The following SEC24B variants were observed in gnomAD, a reference collection of about 807,000 sequenced individuals.
The protein encoded by SEC24B is protein transport protein Sec24B.
In SEC24B, 45 loss-of-function variants were observed where a neutral mutation model predicts 142.8. The observed-to-expected ratio is 0.32, with a 90% confidence interval of 0.25 to 0.40. SEC24B has a LOEUF of 0.40. SEC24B is among the 10% of genes least tolerant of loss of function. The pLI is 1.00. For synonymous variants in SEC24B, 574 were observed against 568.2 expected (o/e 1.01, Z -0.15); for missense variants, 1,409 against 1,526.8 (o/e 0.92, Z 1.29).
chr4:109,461,963 A>C (rs780808569), intron 1 of SEC24B, among the ~76,000 whole-genome samples: 2 of 152,120 alleles, frequency 1.3e-5, no homozygotes, highest in Non-Finnish European at 2.9e-5. Flanking sequence ...AAATTTAGAA[A>C]CATTGGCTGG....
At chr4:109,448,857 A>G (rs1458402253) in intron 1 of SEC24B, among the ~76,000 whole-genome samples, 2 of 151,768 alleles carry the variant, frequency 1.3e-5, no homozygotes, top group African/African-American at 4.8e-5. Context: ...CTGTTTCAGG[A>G]TTTAATTCAG....
chr4:109,473,265 T>C (rs1200635041), intron 3 of SEC24B, 79 bp downstream of exon 3: 9 of 996,128 alleles, frequency 9.0e-6, no homozygotes, highest in African/African-American at 6.8e-5. Flanking sequence ...AAGTTACTTA[T>C]AATCTCAATC....
intron 1 of SEC24B, among the ~76,000 whole-genome samples, chr4:109,454,840 C>T (rs942499341): frequency 2.0e-5 from 3 of 152,228 alleles, no homozygotes; most frequent in Non-Finnish European, 4.4e-5. Flanking sequence ...GAATGTAGGT[C>T]ATAAGACCCC....
At chr4:109,515,706 C>A (rs1264151764) in intron 10 of SEC24B, among the ~76,000 whole-genome samples, 1 of 152,164 alleles carries the variant, frequency 6.6e-6, no homozygotes, top group Non-Finnish European at 1.5e-5. Context: ...TTACCCATCA[C>A]CAAGCTTCAA....
At position 109,527,662 on chromosome 4, in the gene SEC24B, C is replaced by T. The variant is rs151335965; in HGVS notation, c.3076+230C>T. On this transcript the variant is annotated intron_variant, in intron 18 of 23. Coordinates refer to ENST00000265175, the MANE Select transcript of SEC24B (RefSeq NM_006323.5). ...TGGCAGGCGCCTGTAATCGCAGCTT[C>T]TCAGGAGACTGAGACAGGAGAATTG... 2.6e-3 allele frequency among the ~76,000 whole-genome samples: 400 copies of T among 152,048 alleles called. 1 individual carries two copies. The highest frequency in any genetic ancestry group is 9.1e-3 in the African/African-American group (376 of 41,498).
At chr4:109,440,230 A>G (rs1578745800) in intron 1 of SEC24B, among the ~76,000 whole-genome samples, 1 of 151,886 alleles carries the variant, frequency 6.6e-6, no homozygotes, top group African/African-American at 2.4e-5. Context: ...AGTTGTTTGC[A>G]GTGTCTTTTC....
chr4:109,535,040 C>T (rs1725365000), intron 22 of SEC24B, among the ~76,000 whole-genome samples: 1 of 152,078 alleles, frequency 6.6e-6, no homozygotes, highest in Non-Finnish European at 1.5e-5. Context: ...TTTTGATCAC[C>T]CATTCATCCA....
chr4:109,481,713 G>T lies in SEC24B; in HGVS notation c.1097G>T (p.Ser366Ile). The change falls in exon 4 of 24, where the codon AGC becomes ATC. Residue 366 changes from serine to isoleucine, a missense_variant. Transcript: ENST00000265175. ...GGTGAATATGTTAATAACCAAGCTA[G>T]CTCCGCACCAACTCCCTTGTCATCA... Reference protein sequence around the residue: ...QYGEYVNNQASSAPTPLSSTS... With the variant: ...QYGEYVNNQAISAPTPLSSTS... 4 of 1,613,840 alleles carry T rather than the reference G, an allele frequency of 2.5e-6. No homozygotes were observed. Among genetic ancestry groups the T allele is most frequent in the Non-Finnish European group, 3.4e-6 (4 of 1,179,792 alleles).
At chr4:109,476,845 C>T (rs1386484891) in intron 3 of SEC24B, among the ~76,000 whole-genome samples, 2 of 152,180 alleles carry the variant, frequency 1.3e-5, no homozygotes, top group East Asian at 1.9e-4. Flanking sequence ...TACCTTAAGA[C>T]CTACAGAGTT....
At chr4:109,442,010 A>G (rs1387547063) in intron 1 of SEC24B, among the ~76,000 whole-genome samples, 3 of 152,228 alleles carry the variant, frequency 2.0e-5, no homozygotes, top group Non-Finnish European at 4.4e-5. Context: ...TAGGATATCC[A>G]GATGTAATCT....
chr4:109,473,344 G>A (rs926991451), intron 3 of SEC24B, among the ~76,000 whole-genome samples, 158 bp downstream of exon 3: 1 of 152,064 alleles, frequency 6.6e-6, no homozygotes, highest in African/African-American at 2.4e-5. Context: ...ATACCATTTT[G>A]TATTTTGCTT....
intron 11 of SEC24B, among the ~76,000 whole-genome samples, chr4:109,519,887 T>G (rs1021143306): frequency 1.3e-5 from 2 of 152,238 alleles, no homozygotes; most frequent in African/African-American, 4.8e-5. Context: ...CTTAGTAATA[T>G]GCTTCTGTGA....
chr4:109,449,806 T>C (rs1729875271), intron 1 of SEC24B, among the ~76,000 whole-genome samples: 1 of 152,136 alleles, frequency 6.6e-6, no homozygotes, highest in South Asian at 2.1e-4. Flanking sequence ...TGGAGGGACA[T>C]AAACATTGAG....
At position 109,491,034 on chromosome 4, in the gene SEC24B, TTA is replaced by T. The variant is rs1180976565; in HGVS notation, c.1166-291_1166-290del. Among the ~76,000 whole-genome samples the T allele has an allele frequency of 4.6e-5, 7 of 151,956 alleles. No homozygotes were observed. The East Asian group carries it at 1.3e-3, about 29-fold the overall frequency. On this transcript the variant is annotated intron_variant, in intron 4 of 23. Coordinates refer to ENST00000265175, the MANE Select transcript of SEC24B (RefSeq NM_006323.5). Reference sequence around the variant, plus strand: ...ATTTCTATCAACCTAAAGTTTTTGTTTATGTGTTTGACTAGTTTTAATAGTTT... The same window carrying T: ...ATTTCTATCAACCTAAAGTTTTTGTTTGTGTTTGACTAGTTTTAATAGTTT...
chr4:109,478,032 A>C (rs1733354481), intron 3 of SEC24B, among the ~76,000 whole-genome samples: 1 of 152,194 alleles, frequency 6.6e-6, no homozygotes, highest in Non-Finnish European at 1.5e-5. Flanking sequence ...CTGTAATACC[A>C]GCACTTTGGG....
At chr4:109,473,251 A>G (rs1449482927) in intron 3 of SEC24B, 65 bp downstream of exon 3, 7 of 1,159,714 alleles carry the variant, frequency 6.0e-6, no homozygotes, top group African/African-American at 4.8e-5. Context: ...GAAGATATGA[A>G]AAAAAGTTAC....
chr4:109,439,475 T>A (rs554283292), intron 1 of SEC24B, among the ~76,000 whole-genome samples: 1 of 5,546 alleles, frequency 1.8e-4, no homozygotes, highest in Non-Finnish European at 4.4e-4. Flanking sequence ...CCTAAGCTGA[T>A]TTTTTTTTTT....
In SEC24B at chr4:109,494,556, TC is replaced by T. The variant is rs1735336172; in HGVS notation, c.1247-57del. The stretch of plus-strand genomic sequence containing the variant: ...CAGGGGTTATGGACTGGATCAGGAG[TC>T]CAGTCTTTGTGGAGTCTTGATTTTC... On this transcript the variant is annotated intron_variant, in intron 5 of 23. Coordinates refer to ENST00000265175, the MANE Select transcript of SEC24B (RefSeq NM_006323.5). 3.7e-6 allele frequency: 6 copies of T among 1,602,836 alleles called. No individual in the cohort carries two copies. The Admixed American group carries it at 8.4e-5, about 22-fold the overall frequency.
intron 3 of SEC24B, among the ~76,000 whole-genome samples, chr4:109,476,723 T>C (rs1733187533): frequency 6.6e-6 from 1 of 152,236 alleles, no homozygotes; most frequent in African/African-American, 2.4e-5. Flanking sequence ...AATTTGCAAA[T>C]CCCTTTAACT....
Sources: allele counts gnomAD v4.1 joint callset (sites outside exome capture counted in the v4.1 genomes callset), GRCh38; gene constraint gnomAD v4.1.1; transcripts MANE v1.5; gene names NCBI Gene and HGNC (gene_info 2026-07-23, HGNC 2026-07-21).